DSCAM: variants seen among roughly 807,000 people sequenced by gnomAD.
The protein encoded by DSCAM is DS cell adhesion molecule.
DSCAM carries 47 observed loss-of-function variants against 217.7 expected under a neutral mutation model. The ratio of observed to expected loss-of-function variants is 0.22; its 90% confidence interval spans 0.17 to 0.28. The LOEUF is 0.28. Ranked by LOEUF, DSCAM falls within the 10% of genes least tolerant of loss-of-function variation. The pLI, the probability that DSCAM is intolerant of heterozygous loss-of-function variation, is 1.00. For missense variants in DSCAM, 2,080 were observed against 2,618.3 expected (o/e 0.79, Z 4.49); for synonymous variants, 1,056 against 1,015.3 (o/e 1.04, Z -0.76).
At position 40,446,494 on chromosome 21, in the gene DSCAM, G is replaced by A. The variant is rs897945983; in HGVS notation, c.509-77249C>T. On this transcript the variant is annotated intron_variant, in intron 3 of 32. Transcript: ENST00000400454. ...TCAGTATCCTTCCAGTTTATCTTCCGTTAAGCACCCAGGGCCCCCTCTGCA... is the reference window on the plus strand; with the variant it reads ...TCAGTATCCTTCCAGTTTATCTTCCATTAAGCACCCAGGGCCCCCTCTGCA... 3.9e-5 allele frequency among the ~76,000 whole-genome samples: 6 copies of A among 152,138 alleles called. No individual in the cohort carries two copies. In the East Asian group the frequency reaches 7.7e-4, roughly 20 times the overall value.
intron 11 of DSCAM, among the ~76,000 whole-genome samples, chr21:40,227,566 A>C (rs573291497): frequency 1.3e-5 from 2 of 152,304 alleles, no homozygotes; most frequent in East Asian, 3.9e-4. Context: ...ACTCTGTCTT[A>C]AGATCATACA....
Position 40,333,927 on chromosome 21 carries a change from G to T in DSCAM, c.1783+4174C>A, listed in dbSNP as rs115184828. ...TTAAGCAAAGGTAATTTGGGTTCTC[G>T]CACCTTGCAACCAATGGGGTCATAG... On this transcript the variant is annotated intron_variant, in intron 8 of 32. Coordinates refer to ENST00000400454, the MANE Select transcript of DSCAM (RefSeq NM_001389.5). 2.3e-3 allele frequency among the ~76,000 whole-genome samples: 348 copies of T among 152,270 alleles called. 1 individual carries two copies. The highest frequency in any genetic ancestry group is 7.9e-3 in the African/African-American group (329 of 41,562).
chr21:40,199,497 C>T (rs926794184), intron 11 of DSCAM, among the ~76,000 whole-genome samples: 1 of 152,088 alleles, frequency 6.6e-6, no homozygotes, highest in African/African-American at 2.4e-5. Context: ...GAGTTATAAT[C>T]CTTTGGGTAT....
intron 3 of DSCAM, among the ~76,000 whole-genome samples, chr21:40,580,048 C>G (rs549236452): frequency 6.6e-6 from 1 of 151,812 alleles, no homozygotes; most frequent in Non-Finnish European, 1.5e-5. Context: ...GATTCTAGAT[C>G]TACCTTGGAG....
intron 11 of DSCAM, among the ~76,000 whole-genome samples, chr21:40,193,552 T>C (rs7280618): frequency 0.049 from 7,481 of 152,218 alleles, 406 homozygotes; most frequent in African/African-American, 0.13. Flanking sequence ...GTGACCCCTG[T>C]CCACTACCAT....
rs577566088 is a variant in DSCAM at position 40,055,987 on chromosome 21, C to T, written c.4920-147G>A. ...ACAGAAAACGTACATACTATGAAAA[C>T]GTTTCCTTCATTCAAATGTTATTTA... On this transcript the variant is annotated intron_variant, in intron 28 of 32. Transcript: ENST00000400454. 84 of 512,872 alleles carry T rather than the reference C, an allele frequency of 1.6e-4. 1 individual carries two copies. The highest frequency in any genetic ancestry group is 2.4e-4 in the Non-Finnish European group (69 of 283,704). 31.8% of individuals were successfully genotyped at this position (512,872 alleles called of 1,614,324 possible).
At chr21:40,213,669 G>A (rs1251108334) in intron 11 of DSCAM, among the ~76,000 whole-genome samples, 1 of 152,168 alleles carries the variant, frequency 6.6e-6, no homozygotes, top group African/African-American at 2.4e-5. Context: ...AGATGGAGTG[G>A]GTGAGAAGCT....
At chr21:40,497,735 T>C (rs1418763123) in intron 3 of DSCAM, among the ~76,000 whole-genome samples, 1 of 152,206 alleles carries the variant, frequency 6.6e-6, no homozygotes, top group East Asian at 1.9e-4. Context: ...TAAATATATA[T>C]ACATTTATTT....
At position 40,144,583 on chromosome 21, in the gene DSCAM, T is replaced by C; in HGVS notation, c.3167A>G (p.Lys1056Arg). Reference protein sequence around the residue: ...SEVYTLDNLNKFTQYGLVVQA... With the variant: ...SEVYTLDNLNRFTQYGLVVQA... ...CACCACCAGGCCGTACTGAGTGAAC[T>C]TATTCAGGTTGTCCAGGGTGTAAAC... The change falls in exon 17 of 33, where the codon AAG (lysine) becomes AGG (arginine). Residue 1056 changes from lysine to arginine, a missense_variant. Physicochemically the swap from Lys to Arg is conservative, Grantham distance 26. Around this residue, in one of 5 missense-constraint regions of DSCAM, gnomAD observed 1,144 missense variants for 1,421.1 expected, o/e 0.81. Coordinates refer to ENST00000400454, the MANE Select transcript of DSCAM (RefSeq NM_001389.5). This position sits in a 1 kb window ranked among gnomAD's most constrained non-coding sequence, Gnocchi z 4.8. 1 of 1,614,172 alleles carries C rather than the reference T, an allele frequency of 6.2e-7. No homozygotes were observed. Among genetic ancestry groups the C allele is most frequent in the Non-Finnish European group, 8.5e-7 (1 of 1,180,036 alleles).
intron 3 of DSCAM, among the ~76,000 whole-genome samples, chr21:40,604,733 G>A (rs1366241959): frequency 1.3e-5 from 2 of 152,098 alleles, no homozygotes; most frequent in Non-Finnish European, 2.9e-5. Context: ...TATTATTTTG[G>A]AGCCTTGTTG....
chr21:40,668,599 C>G lies in DSCAM; in HGVS notation c.508+24211G>C, dbSNP rs553612045. ...CTCATTAGAAATGCAGAATCCTAGG[C>G]CCCACACCAAGCTACTCAATCAGAA... On this transcript the variant is annotated intron_variant, in intron 3 of 32. Transcript: ENST00000400454. Among the ~76,000 whole-genome samples the G allele has an allele frequency of 2.6e-5, 4 of 152,282 alleles. No individual in the cohort carries two copies. The East Asian group carries it at 5.8e-4, about 22-fold the overall frequency.
chr21:40,102,446 A>C (rs1190129333), intron 20 of DSCAM, among the ~76,000 whole-genome samples: 1 of 152,094 alleles, frequency 6.6e-6, no homozygotes, highest in Non-Finnish European at 1.5e-5. Context: ...TGGGTTCCTA[A>C]GGAACTAAAT....
chr21:40,439,341 G>T (rs2075611015), intron 3 of DSCAM, among the ~76,000 whole-genome samples: 2 of 152,218 alleles, frequency 1.3e-5, no homozygotes, highest in Admixed American at 6.5e-5. Flanking sequence ...TTCCAGTGCA[G>T]ATCAGGCCTG....
chr21:40,644,583 G>A (rs1257841996), intron 3 of DSCAM, among the ~76,000 whole-genome samples: 3 of 152,156 alleles, frequency 2.0e-5, no homozygotes, highest in Admixed American at 6.5e-5. Context: ...CTTTCATAGG[G>A]TGTGACTAAC....
intron 1 of DSCAM, among the ~76,000 whole-genome samples, chr21:40,792,007 C>A (rs1241249129): frequency 6.6e-6 from 1 of 152,000 alleles, no homozygotes; most frequent in African/African-American, 2.4e-5. Flanking sequence ...GTTCTGGAGG[C>A]TAGAAGTTAG....
chr21:40,341,944 C>T (rs889823888), intron 6 of DSCAM, among the ~76,000 whole-genome samples: 8 of 152,128 alleles, frequency 5.3e-5, no homozygotes, highest in Non-Finnish European at 1.2e-4. Context: ...TTGACTTTTA[C>T]ATTTTTGAAG....
intron 3 of DSCAM, among the ~76,000 whole-genome samples, chr21:40,486,868 T>C (rs1211181685): frequency 2.0e-5 from 3 of 152,138 alleles, no homozygotes; most frequent in Non-Finnish European, 4.4e-5. Flanking sequence ...ACACCTGCCC[T>C]CACCCTGGCC....
chr21:40,674,614 C>A, intron 3 of DSCAM, among the ~76,000 whole-genome samples: 1 of 92,626 alleles, frequency 1.1e-5, no homozygotes. Context: ...AAGGTATTTT[C>A]TTTTTCTTTT....
rs185720055 is a variant in DSCAM, at chr21:40,358,624, T to C, written c.656-4881A>G. 4.5e-4 allele frequency among the ~76,000 whole-genome samples: 69 copies of C among 152,060 alleles called. No homozygotes were observed. In the Middle Eastern group the frequency reaches 0.014, roughly 30 times the overall value. ...GAGTTCAAGACGAGCCTGGCCAACATGGTGGAACCCCGTCTCTACTAAAAA... is the reference window on the plus strand; with the variant it reads ...GAGTTCAAGACGAGCCTGGCCAACACGGTGGAACCCCGTCTCTACTAAAAA... On this transcript the variant is annotated intron_variant, in intron 4 of 32. Transcript: ENST00000400454.
Sources: allele counts gnomAD v4.1 joint callset (sites outside exome capture counted in the v4.1 genomes callset), GRCh38; gene constraint gnomAD v4.1.1; regional missense constraint gnomAD v4.1.1; non-coding constraint Gnocchi (gnomAD v3.1); transcripts MANE v1.5; gene names NCBI Gene and HGNC (gene_info 2026-07-23, HGNC 2026-07-21).